FRMD6: variants seen among roughly 807,000 people sequenced by gnomAD.
The protein encoded by FRMD6 is FERM domain containing 6, also known as FERM domain-containing protein 6.
Under a neutral mutation model 73.2 loss-of-function variants are expected in FRMD6, and 37 were observed. The ratio of observed to expected loss-of-function variants is 0.51; its 90% CI spans 0.39 to 0.66. The LOEUF is 0.66. FRMD6 is among the 30% of genes least tolerant of loss of function. The pLI, the probability that FRMD6 is intolerant of heterozygous loss-of-function variation, is 0.00. For synonymous variants in FRMD6, 273 were observed against 282.2 expected, an observed-to-expected ratio of 0.97 and a Z score of 0.33; for missense variants, 714 against 780.5, an observed-to-expected ratio of 0.91 and a Z score of 1.02.
chr14:51,616,138 G>T (rs1000530601), intron 2 of FRMD6, among the ~76,000 whole-genome samples: 6 of 152,168 alleles, frequency 3.9e-5, no homozygotes, highest in Admixed American at 2.0e-4. Context: ...GTAGAAAGGC[G>T]CATGAGAGGA....
chr14:51,478,812 A>G, the FRMD6 span, among the ~76,000 whole-genome samples: 1 of 152,228 alleles, frequency 6.6e-6, no homozygotes, highest in Non-Finnish European at 1.5e-5. Flanking sequence ...TCGGGATGCT[A>G]TCTTTAGCCT....
At chr14:51,435,418 TTAA>T in the FRMD6 span, among the ~76,000 whole-genome samples, 1,087 of 77,394 alleles carry the variant, frequency 0.014, 15 homozygotes, top group African/African-American at 0.042. Flanking sequence ...CCATCTCTAT[TTAA>T]AAAAAAAAAA....
chr14:51,471,252 G>A, the FRMD6 span, among the ~76,000 whole-genome samples: 1 of 152,122 alleles, frequency 6.6e-6, no homozygotes, highest in African/African-American at 2.4e-5. Flanking sequence ...CACTTTGGGA[G>A]GTGGAGGCGG....
chr14:51,722,341 C>G (rs1897673535), intron 12 of FRMD6, among the ~76,000 whole-genome samples: 1 of 152,184 alleles, frequency 6.6e-6, no homozygotes, highest in African/African-American at 2.4e-5. Context: ...CAGTAGGGTT[C>G]TCTTTATGTT....
At chr14:51,723,024 G>A (rs915341952) in intron 12 of FRMD6, among the ~76,000 whole-genome samples, 3 of 152,134 alleles carry the variant, frequency 2.0e-5, no homozygotes, top group African/African-American at 2.4e-5. Context: ...AATTCTGTTC[G>A]CTAACCCAAC....
At chr14:51,435,074 C>A in the FRMD6 span, among the ~76,000 whole-genome samples, 1 of 152,090 alleles carries the variant, frequency 6.6e-6, no homozygotes, top group South Asian at 2.1e-4. Context: ...AATCCTGGAT[C>A]GTACCAGTAA....
Position 51,725,873 on chromosome 14 carries a change from A to G in FRMD6, c.1584+3A>G, listed in dbSNP as rs771610801. The G allele has an allele frequency of 2.5e-6, 4 of 1,600,390 alleles. No homozygotes were observed. In the South Asian group the frequency reaches 4.4e-5, roughly 18 times the overall value. On this transcript the variant is annotated splice_donor_region_variant and intron_variant, in intron 13 of 13. Transcript: ENST00000344768. ...AGAGTACTGATTCTCTTCCACAGGT[A>G]TTAAAGGAATTGAAAAATATCAGTT...
At chr14:51,398,981 T>G in the FRMD6 span, among the ~76,000 whole-genome samples, 5 of 152,288 alleles carry the variant, frequency 3.3e-5, no homozygotes, top group Non-Finnish European at 7.4e-5. Context: ...GGCCCTAGCC[T>G]GATGCTCCAG....
At chr14:51,694,879 G>A (rs907266219) in intron 2 of FRMD6, among the ~76,000 whole-genome samples, 1 of 152,098 alleles carries the variant, frequency 6.6e-6, no homozygotes, top group African/African-American at 2.4e-5. Flanking sequence ...GAAAACTCAA[G>A]CTTATTTTCA....
the FRMD6 span, among the ~76,000 whole-genome samples, chr14:51,405,815 T>A: frequency 9.2e-3 from 1,406 of 152,318 alleles, 22 homozygotes; most frequent in African/African-American, 0.032. Flanking sequence ...TTTCTTTTGC[T>A]GTGCAGAAGC....
intron 6 of FRMD6, among the ~76,000 whole-genome samples, chr14:51,707,057 T>A (rs1356968135): frequency 6.6e-6 from 1 of 152,108 alleles, no homozygotes; most frequent in East Asian, 1.9e-4. Context: ...ACCCTTGGGA[T>A]CACCAAAGCC....
intron 1 of FRMD6, among the ~76,000 whole-genome samples, chr14:51,520,437 T>C (rs8023047): frequency 0.37 from 55,861 of 152,088 alleles, 10,466 homozygotes; most frequent in African/African-American, 0.43. Flanking sequence ...CTCTCCTAGA[T>C]ATTTCATTCA....
At chr14:51,503,139 C>T (rs1307149880) in intron 1 of FRMD6, among the ~76,000 whole-genome samples, 2 of 152,194 alleles carry the variant, frequency 1.3e-5, no homozygotes, top group Non-Finnish European at 2.9e-5. Flanking sequence ...ATATCATCTG[C>T]AAACAAAGAT....
intron 2 of FRMD6, among the ~76,000 whole-genome samples, chr14:51,590,133 T>C (rs187657158): frequency 6.6e-6 from 1 of 151,916 alleles, no homozygotes; most frequent in African/African-American, 2.4e-5. Flanking sequence ...GTTGGATTTC[T>C]CACCTTGTCT....
intron 2 of FRMD6, among the ~76,000 whole-genome samples, chr14:51,636,349 G>T (rs1891559597): frequency 6.6e-6 from 1 of 152,196 alleles, no homozygotes; most frequent in Non-Finnish European, 1.5e-5. Flanking sequence ...AGTCAACATG[G>T]CAGATTAGCA....
chr14:51,420,696 G>A, the FRMD6 span, among the ~76,000 whole-genome samples: 5 of 152,110 alleles, frequency 3.3e-5, no homozygotes, highest in African/African-American at 1.2e-4. Context: ...ATTGTATTAG[G>A]TATCATAGTA....
At chr14:51,657,125 A>G (rs576483520) in intron 1 of FRMD6, among the ~76,000 whole-genome samples, 12 of 152,302 alleles carry the variant, frequency 7.9e-5, no homozygotes, top group Admixed American at 3.3e-4. Flanking sequence ...AGCTTTTCAG[A>G]TGATTTTTCT....
At chr14:51,646,338 A>G (rs1396392789) in intron 2 of FRMD6, among the ~76,000 whole-genome samples, 1 of 151,168 alleles carries the variant, frequency 6.6e-6, no homozygotes, top group African/African-American at 2.4e-5. Flanking sequence ...AAAAAAAAAA[A>G]AAAACCCACT....
At chr14:51,573,424 G>T (rs1303593841) in intron 2 of FRMD6, among the ~76,000 whole-genome samples, 1 of 152,130 alleles carries the variant, frequency 6.6e-6, no homozygotes, top group Non-Finnish European at 1.5e-5. Flanking sequence ...AGGAAAGAAG[G>T]GTGAAAAGGG....
Sources: allele counts gnomAD v4.1 joint callset (sites outside exome capture counted in the v4.1 genomes callset), GRCh38; gene constraint gnomAD v4.1.1; transcripts MANE v1.5; gene names NCBI Gene and HGNC (gene_info 2026-07-23, HGNC 2026-07-21).